Variants in KMT2E observed in about 807,000 individuals in gnomAD.
The protein encoded by KMT2E is lysine methyltransferase 2E (inactive).
A neutral mutation model predicts 184.6 loss-of-function variants in KMT2E; 30 were observed. That is an observed-to-expected ratio of 0.16 (90% confidence interval 0.12 to 0.22). The LOEUF (loss-of-function observed/expected upper bound fraction) is 0.22. Ranked by LOEUF, KMT2E falls within the 10% of genes least tolerant of loss-of-function variation. The pLI is 1.00. For synonymous variants in KMT2E, 815 were observed against 776.5 expected (o/e 1.05, Z -0.82); for missense variants, 2,023 against 2,237.4 (o/e 0.90, Z 1.93).
rs767291630 is a variant in KMT2E, at chr7:105,077,324, A to G, written c.1021A>G (p.Lys341Glu). The change falls in exon 11 of 27, where the codon AAA (lysine) becomes GAA (glutamate). Residue 341 changes from lysine to glutamate, a missense_variant. By Grantham distance (56) the Lys-to-Glu change is moderately conservative. Coordinates refer to ENST00000311117, the MANE Select transcript of KMT2E (RefSeq NM_182931.3). ...PVESHIQKNKKILKSAKDLPP... is the reference protein window; with the variant it reads ...PVESHIQKNKEILKSAKDLPP... ...TTAGAGCCATATACAAAAGAATAAG[A>G]AAATTCTTAAATCTGCAAAAGATTT... The G allele has an allele frequency of 6.2e-7, 1 of 1,609,998 alleles. No individual in the cohort carries two copies. The highest frequency in any genetic ancestry group is 8.5e-7 in the Non-Finnish European group (1 of 1,177,262).
chr7:105,111,268 G>T, intron 26 of KMT2E: 1 of 174,724 alleles, frequency 5.7e-6, no homozygotes, highest in Non-Finnish European at 1.2e-5. Context: ...AATCTAGTAT[G>T]GCATGTAAAT....
chr7:105,089,893 C>G, intron 13 of KMT2E, 116 bp from the exon 14 acceptor site: 1 of 1,434,868 alleles, frequency 7.0e-7, no homozygotes, highest in Non-Finnish European at 9.4e-7. Context: ...AAAAGGATTG[C>G]TTATAATTAA....
intron 3 of KMT2E, among the ~76,000 whole-genome samples, chr7:105,044,879 T>A (rs1383601633): frequency 6.6e-6 from 1 of 152,202 alleles, no homozygotes; most frequent in Non-Finnish European, 1.5e-5. Flanking sequence ...TGGAGCCAGA[T>A]GCAAACCAGC....
intron 4 of KMT2E, among the ~76,000 whole-genome samples, chr7:105,062,914 CTATAT>C (rs1796879108): frequency 6.6e-6 from 1 of 151,446 alleles, no homozygotes; most frequent in African/African-American, 2.4e-5. Flanking sequence ...ATTTAAAAAA[CTATAT>C]TATATGTTTT....
intron 17 of KMT2E, chr7:105,103,772 A>G (rs111931861): frequency 0.043 from 6,222 of 143,138 alleles, 167 homozygotes; most frequent in African/African-American, 0.088. Context: ...GTGTGTGTGT[A>G]TATATATATA....
At chr7:105,047,662 C>G (rs868550671) in intron 3 of KMT2E, among the ~76,000 whole-genome samples, 31 of 152,194 alleles carry the variant, frequency 2.0e-4, no homozygotes, top group African/African-American at 7.2e-4. Context: ...AACAAAGTTT[C>G]AGAAGGGTTA....
intron 1 of KMT2E, among the ~76,000 whole-genome samples, chr7:105,034,063 G>A (rs1025359616): frequency 6.6e-6 from 1 of 152,182 alleles, no homozygotes; most frequent in African/African-American, 2.4e-5. Context: ...GACACCTCCT[G>A]TTCAAGGCCC....
intron 1 of KMT2E, among the ~76,000 whole-genome samples, chr7:105,030,927 C>T (rs926856196): frequency 5.9e-5 from 9 of 152,026 alleles, no homozygotes; most frequent in African/African-American, 2.4e-5. Context: ...ATTTTATGCA[C>T]GTTGTTTTTA....
At position 105,091,332 on chromosome 7, in the gene KMT2E, T is replaced by G; in HGVS notation, c.1722+18T>G. ...GGAAGATGGTAAGTTGGGAAGCCAG[T>G]AGTTTGGGCTTAGTGACAGCTGCTC... is the stretch of plus-strand genomic sequence containing the variant. On this transcript the variant is annotated intron_variant, in intron 15 of 26. Coordinates refer to ENST00000311117, the MANE Select transcript of KMT2E (RefSeq NM_182931.3). 1 of 1,411,198 alleles carries G rather than the reference T, an allele frequency of 7.1e-7. No individual in the cohort carries two copies. The highest frequency in any genetic ancestry group is 1.0e-6 in the Non-Finnish European group (1 of 995,536). 87.4% of individuals were successfully genotyped at this position (1,411,198 alleles called of 1,614,324 possible).
chr7:105,099,966 G>A (rs1423964159), intron 15 of KMT2E, among the ~76,000 whole-genome samples: 1 of 152,086 alleles, frequency 6.6e-6, no homozygotes, highest in Non-Finnish European at 1.5e-5. Context: ...AGGGGTAAAG[G>A]TAATTTAAAA....
At chr7:105,055,395 T>C (rs1485456417) in intron 3 of KMT2E, among the ~76,000 whole-genome samples, 1 of 152,086 alleles carries the variant, frequency 6.6e-6, no homozygotes, top group East Asian at 1.9e-4. Flanking sequence ...ATTCATTTCT[T>C]AGCTGGATAC....
At chr7:105,054,446 C>CTCTGTCTG (rs879904154) in intron 3 of KMT2E, among the ~76,000 whole-genome samples, 46 of 107,586 alleles carry the variant, frequency 4.3e-4, no homozygotes, top group East Asian at 5.3e-4. Context: ...AAGCAAGTTG[C>CTCTGTCTG]TCTGTCTGTC....
chr7:105,021,526 T>C (rs1454847568), intron 1 of KMT2E, among the ~76,000 whole-genome samples: 1 of 152,154 alleles, frequency 6.6e-6, no homozygotes, highest in Non-Finnish European at 1.5e-5. Flanking sequence ...GTTATAAGGC[T>C]ATAGGGAAAT....
chr7:105,050,441 C>T (rs140678849), intron 3 of KMT2E, among the ~76,000 whole-genome samples: 108 of 152,212 alleles, frequency 7.1e-4, no homozygotes, highest in African/African-American at 2.5e-3. Flanking sequence ...TAGGTTATTA[C>T]CTGACTTTAA....
chr7:105,096,536 G>A (rs1210030710), intron 15 of KMT2E, among the ~76,000 whole-genome samples: 1 of 151,916 alleles, frequency 6.6e-6, no homozygotes, highest in African/African-American at 2.4e-5. Context: ...TCCTGGACTT[G>A]TCAAGCAGGT....
intron 3 of KMT2E, among the ~76,000 whole-genome samples, chr7:105,042,249 C>G (rs940091993): frequency 6.6e-6 from 1 of 152,184 alleles, no homozygotes; most frequent in Non-Finnish European, 1.5e-5. Context: ...CCTTGGCCCC[C>G]CAAAGTGCTG....
chr7:105,083,634 A>G (rs999985561), intron 13 of KMT2E, among the ~76,000 whole-genome samples: 7 of 152,206 alleles, frequency 4.6e-5, no homozygotes, highest in South Asian at 2.1e-4. Context: ...CATTTGCACA[A>G]AACAGTAGAG....
chr7:105,057,803 A>T (rs1009879023), intron 3 of KMT2E, among the ~76,000 whole-genome samples: 1 of 152,092 alleles, frequency 6.6e-6, no homozygotes, highest in African/African-American at 2.4e-5. Context: ...TATTTCACCC[A>T]TGTATTATTC....
At chr7:105,076,637 C>G (rs1020701979) in intron 9 of KMT2E, among the ~76,000 whole-genome samples, 3 of 152,170 alleles carry the variant, frequency 2.0e-5, no homozygotes, top group African/African-American at 7.2e-5. Context: ...GACCCCAAAA[C>G]ATAAGTTTGT....
Sources: gnomAD v4.1 joint callset for allele counts (sites outside exome capture counted in the v4.1 genomes callset) on GRCh38, gnomAD v4.1.1 for gene constraint, MANE v1.5 for transcripts, NCBI Gene and HGNC (gene_info 2026-07-23, HGNC 2026-07-21) for gene names.